Variants in HORMAD2 observed in about 807,000 individuals in gnomAD.
HORMAD2 encodes the protein HORMA domain-containing protein 2.
Under a neutral mutation model 38.8 loss-of-function variants are expected in HORMAD2, and 45 were observed. That is an observed-to-expected ratio of 1.16 (90% confidence interval 0.91 to 1.49). The LOEUF (loss-of-function observed/expected upper bound fraction) is 1.49, where lower values mean the gene tolerates loss of function less well. Ranked by LOEUF, HORMAD2 falls within the 40% of genes most tolerant of loss-of-function variation. The pLI is 0.00. For synonymous variants in HORMAD2, 126 were observed against 122.8 expected, an observed-to-expected ratio of 1.03 and a Z score of -0.17; for missense variants, 338 against 367.0, an observed-to-expected ratio of 0.92 and a Z score of 0.65.
chr22:30,149,543 T>G (rs1468941265), intron 10 of HORMAD2, among the ~76,000 whole-genome samples: 1 of 152,174 alleles, frequency 6.6e-6, no homozygotes, highest in Non-Finnish European at 1.5e-5. Context: ...CACTGAGAAA[T>G]TTCTCTGGAG....
At chr22:30,193,923 C>T in the HORMAD2 span, among the ~76,000 whole-genome samples, 2 of 152,116 alleles carry the variant, frequency 1.3e-5, no homozygotes, top group Non-Finnish European at 2.9e-5. Flanking sequence ...TTGCTGGATG[C>T]ATCTGAGGCT....
At chr22:30,187,890 G>C in the HORMAD2 span, among the ~76,000 whole-genome samples, 2 of 151,944 alleles carry the variant, frequency 1.3e-5, no homozygotes, top group Non-Finnish European at 2.9e-5. Flanking sequence ...GGTAGCAGGG[G>C]CAGTGGGGGT....
Position 30,094,011 on chromosome 22 carries a change from T to C in HORMAD2, c.51+8T>C, listed in dbSNP as rs2068738343. On this transcript the variant is annotated splice_region_variant and intron_variant, in intron 2 of 10. Transcript: ENST00000336726. ...ATACACAAGGCTTCTAAGGTATTTG[T>C]TAAGAATTAAAAGAAAATCAATGAC... The C allele has an allele frequency of 6.3e-7, 1 of 1,589,054 alleles. No homozygotes were observed. The highest frequency in any genetic ancestry group is 8.6e-7 in the Non-Finnish European group (1 of 1,162,148).
chr22:30,124,087 C>T (rs1922659932), intron 10 of HORMAD2, among the ~76,000 whole-genome samples: 1 of 151,478 alleles, frequency 6.6e-6, no homozygotes, highest in Admixed American at 6.6e-5. Context: ...CTCAAGCATA[C>T]ATTTAGTTGA....
At chr22:30,185,861 TA>T in the HORMAD2 span, among the ~76,000 whole-genome samples, 75 of 147,070 alleles carry the variant, frequency 5.1e-4, no homozygotes, top group East Asian at 8.0e-4. Context: ...CCAGTAAAAT[TA>T]AAAAAAAAAA....
At chr22:30,098,005 C>T (rs1372754671) in intron 2 of HORMAD2, among the ~76,000 whole-genome samples, 1 of 152,146 alleles carries the variant, frequency 6.6e-6, no homozygotes, top group African/African-American at 2.4e-5. Flanking sequence ...AAAGATGAAG[C>T]TGCTTCTAGC....
intron 1 of HORMAD2, among the ~76,000 whole-genome samples, chr22:30,091,354 T>G (rs1167503334): frequency 6.6e-6 from 1 of 151,128 alleles, no homozygotes; most frequent in Non-Finnish European, 1.5e-5. Context: ...ACTGCAGCCT[T>G]GAACTCCTGG....
At chr22:30,161,274 T>C (rs955424492) in intron 10 of HORMAD2, among the ~76,000 whole-genome samples, 2 of 152,242 alleles carry the variant, frequency 1.3e-5, no homozygotes, top group Non-Finnish European at 2.9e-5. Flanking sequence ...TTTCTGTACT[T>C]ACAGTTATGC....
chr22:30,194,053 C>T, the HORMAD2 span, among the ~76,000 whole-genome samples: 1 of 152,198 alleles, frequency 6.6e-6, no homozygotes, highest in African/African-American at 2.4e-5. Context: ...GATCACTCAT[C>T]TCACTCATCA....
intron 10 of HORMAD2, among the ~76,000 whole-genome samples, chr22:30,171,878 A>G (rs1204344768): frequency 1.3e-5 from 2 of 152,088 alleles, no homozygotes; most frequent in Non-Finnish European, 2.9e-5. Context: ...GGGAAAGAAC[A>G]TTTTAGGCAG....
intron 10 of HORMAD2, among the ~76,000 whole-genome samples, chr22:30,124,256 A>AACACACAC (rs10616156): frequency 0.096 from 14,035 of 146,414 alleles, 740 homozygotes; most frequent in South Asian, 0.17. Context: ...GAATACATGG[A>AACACACAC]ACACACACAC....
intron 10 of HORMAD2, among the ~76,000 whole-genome samples, chr22:30,151,953 G>A (rs1224016058): frequency 6.6e-6 from 1 of 152,126 alleles, no homozygotes; most frequent in Non-Finnish European, 1.5e-5. Context: ...TAAACATTAG[G>A]TAGAAATAAA....
At chr22:30,121,343 C>G (rs142092895) in intron 8 of HORMAD2, among the ~76,000 whole-genome samples, 146 of 152,308 alleles carry the variant, frequency 9.6e-4, no homozygotes, top group Non-Finnish European at 1.6e-3. Flanking sequence ...GATGCCAGGT[C>G]ACCTAATTCC....
At chr22:30,175,287 TAGAATATATATAATAATATATATAATATA>T (rs1926379038) in intron 10 of HORMAD2, among the ~76,000 whole-genome samples, 4 of 140,502 alleles carry the variant, frequency 2.8e-5, no homozygotes, top group African/African-American at 1.1e-4. Context: ...TAATATAATA[TAGAATATATATAATAATATATATAATATA>T]ATATATATAT....
At chr22:30,088,177 ATATACATATATACCTATG>A (rs1050302494) in intron 1 of HORMAD2, among the ~76,000 whole-genome samples, 2 of 150,634 alleles carry the variant, frequency 1.3e-5, no homozygotes, top group African/African-American at 4.9e-5. Flanking sequence ...ATGTATACAT[ATATACATATATACCTATG>A]TATACATATA....
At chr22:30,162,724 AC>A (rs1405054571) in intron 10 of HORMAD2, among the ~76,000 whole-genome samples, 2 of 139,796 alleles carry the variant, frequency 1.4e-5, no homozygotes, top group Middle Eastern at 3.8e-3. Context: ...TTTTTTTGAG[AC>A]AGAGTCTTGC....
chr22:30,204,395 G>T, the HORMAD2 span, among the ~76,000 whole-genome samples: 1 of 152,174 alleles, frequency 6.6e-6, no homozygotes, highest in African/African-American at 2.4e-5. Context: ...CTTATTTCAT[G>T]GAGTTGAGAA....
the HORMAD2 span, among the ~76,000 whole-genome samples, chr22:30,193,048 T>G: frequency 2.0e-5 from 3 of 152,164 alleles, no homozygotes; most frequent in Non-Finnish European, 4.4e-5. Context: ...AAAAGATCTT[T>G]TGGGGCTAAA....
intron 10 of HORMAD2, among the ~76,000 whole-genome samples, chr22:30,134,118 G>T (rs1923481322): frequency 6.6e-6 from 1 of 152,108 alleles, no homozygotes; most frequent in African/African-American, 2.4e-5. Flanking sequence ...TTCTACTGGG[G>T]CCAGGTGTGG....
Sources: gnomAD v4.1 joint callset for allele counts (sites outside exome capture counted in the v4.1 genomes callset) on GRCh38, gnomAD v4.1.1 for gene constraint, MANE v1.5 for transcripts, NCBI Gene and HGNC (gene_info 2026-07-23, HGNC 2026-07-21) for gene names.